Variants in TEX22 observed in about 807,000 individuals in gnomAD.
TEX22 encodes the protein testis-expressed protein 22.
In TEX22, 16 loss-of-function variants were observed where a neutral mutation model predicts 11.3. That is an observed-to-expected ratio of 1.42 (90% confidence interval 0.96 to 2.15). TEX22 has a LOEUF of 2.15. Ranked by LOEUF, TEX22 falls within the 30% of genes most tolerant of loss-of-function variation. The pLI, the probability that TEX22 is intolerant of heterozygous loss-of-function variation, is 0.00. For missense variants in TEX22, 220 were observed against 208.6 expected, an observed-to-expected ratio of 1.05 and a Z score of -0.34; for synonymous variants, 97 against 92.3, an observed-to-expected ratio of 1.05 and a Z score of -0.29.
chr14:105,398,829 A>AGGGCTCCGGGCTGGGCCTGGGGCG (rs1342465907), intron 1 of TEX22, among the ~76,000 whole-genome samples, 194 bp downstream of exon 1: 7 of 152,188 alleles, frequency 4.6e-5, no homozygotes, highest in Non-Finnish European at 8.8e-5. Context: ...CGGGCACGTA[A>AGGGCTCCGGGCTGGGCCTGGGGCG]GGGCTCCGGG....
intron 2 of TEX22, among the ~76,000 whole-genome samples, chr14:105,404,930 A>G (rs782130176): frequency 1.4e-4 from 22 of 152,278 alleles, no homozygotes; most frequent in South Asian, 4.1e-4. Context: ...CAAGGATACA[A>G]TCAATATATG....
At chr14:105,411,525 C>CG in intron 3 of TEX22, 29 bp downstream of exon 3, 4 of 1,056,536 alleles carry the variant, frequency 3.8e-6, no homozygotes, top group African/African-American at 1.8e-5. Flanking sequence ...CTCCCCGCCC[C>CG]GTCCCCGCCC....
chr14:105,411,936 C>T lies in TEX22; in HGVS notation c.*103C>T. Reference sequence around the variant, plus strand: ...TTTGTGCCCCACCAGGGGGTCACCACCCACCCATGTTAGGAAAACAGGCCA... The same window carrying T: ...TTTGTGCCCCACCAGGGGGTCACCATCCACCCATGTTAGGAAAACAGGCCA... On this transcript the variant is annotated 3_prime_UTR_variant, in exon 4 of 4. Coordinates refer to ENST00000451127, the MANE Select transcript of TEX22 (RefSeq NM_001195082.2). The T allele has an allele frequency of 8.4e-7, 1 of 1,187,120 alleles. No homozygotes were observed. Among genetic ancestry groups the T allele is most frequent in the Non-Finnish European group, 1.1e-6 (1 of 893,980 alleles). The allele number at this position is 1,187,120 out of a possible 1,614,324, so 73.5% of individuals were successfully genotyped here.
Position 105,411,512 on chromosome 14 carries a change from G to T in TEX22, c.279+16G>T. 8.4e-7 allele frequency: 1 copy of T among 1,184,636 alleles called. No homozygotes were observed. Among genetic ancestry groups the T allele is most frequent in the Non-Finnish European group, 1.0e-6 (1 of 957,018 alleles). 73.4% of individuals were successfully genotyped at this position (1,184,636 alleles called of 1,614,324 possible). On this transcript the variant is annotated intron_variant, in intron 3 of 3. Transcript: ENST00000451127. ...GCACTGCAGGGTGCGCGGGGGGCGG[G>T]TCCTCCCCGCCCCGTCCCCGCCCCG...
chr14:105,402,728 C>A (rs1234139435), intron 2 of TEX22, among the ~76,000 whole-genome samples: 1 of 150,242 alleles, frequency 6.7e-6, no homozygotes, highest in Non-Finnish European at 1.5e-5. Context: ...TGCACTCCAG[C>A]CTGGGCGACA....
rs1207788680 is a variant in TEX22 at position 105,399,428 on chromosome 14, G to A, written c.88G>A (p.Ala30Thr). The change falls in exon 2 of 4, where the codon GCA becomes ACA. Residue 30 changes from alanine (A) to threonine (T), a missense_variant. Physicochemically the swap from Ala to Thr is moderately conservative, Grantham distance 58. Coordinates refer to ENST00000451127, the MANE Select transcript of TEX22 (RefSeq NM_001195082.2). ...CAGGCGGCCCCCACTGGGCCTGATA[G>A]CAGCCTGGGGCCAGCCCAGTATCCA... Reference protein sequence around the residue: ...EHRRPPLGLIAAWGQPSIQSS... With the variant: ...EHRRPPLGLITAWGQPSIQSS... 3.9e-6 allele frequency: 6 copies of A among 1,535,708 alleles called. No individual in the cohort carries two copies. Among genetic ancestry groups the A allele is most frequent in the Non-Finnish European group, 4.4e-6 (5 of 1,146,798 alleles).
chr14:105,399,487 C>A lies in TEX22; in HGVS notation c.147C>A (p.Asp49Glu). Residue 49 changes from aspartate (D) to glutamate (E), a missense_variant, in exon 2 of 4, where the codon GAC (aspartate) becomes GAA (glutamate). Transcript: ENST00000451127. ...SSVQQGLQTQ[D>E]WVCEPPERRR... ...TTCAGCAGGGACTGCAGACTCAGGA[C>A]TGGGTAAGCGGAAGGAAACCCTGGC... The A allele has an allele frequency of 6.5e-7, 1 of 1,530,866 alleles. No individual in the cohort carries two copies. Among genetic ancestry groups the A allele is most frequent in the Non-Finnish European group, 8.7e-7 (1 of 1,143,730 alleles). 94.8% of individuals were successfully genotyped at this position (1,530,866 alleles called of 1,614,324 possible). A position where few individuals can be genotyped will look rare whatever the true frequency, so the allele number is the denominator to read the frequency against.
At chr14:105,403,176 C>T (rs1595219277) in intron 2 of TEX22, among the ~76,000 whole-genome samples, 2 of 152,172 alleles carry the variant, frequency 1.3e-5, no homozygotes, top group East Asian at 1.9e-4. Flanking sequence ...GCTGTGCCTA[C>T]GTGTGGGTGG....
intron 1 of TEX22, 65 bp from the exon 2 acceptor site, chr14:105,399,237 G>A (rs2081608606): frequency 2.1e-6 from 2 of 947,036 alleles, no homozygotes; most frequent in African/African-American, 3.3e-5. Context: ...CAGGGACTCA[G>A]GTATTGGTGG....
At position 105,399,299 on chromosome 14, in the gene TEX22, C is replaced by G. The variant is rs1555418098; in HGVS notation, c.-39-3C>G. 1 of 1,507,234 alleles carries G rather than the reference C, an allele frequency of 6.6e-7. No individual in the cohort carries two copies. The allele number at this position is 1,507,234 out of a possible 1,614,324, so 93.4% of individuals were successfully genotyped here. A position where few individuals can be genotyped will look rare whatever the true frequency, so the allele number is the denominator to read the frequency against. On this transcript the variant is annotated splice_polypyrimidine_tract_variant and splice_region_variant and intron_variant, in intron 1 of 3. Coordinates refer to ENST00000451127, the MANE Select transcript of TEX22 (RefSeq NM_001195082.2). ...CCCCACCTCCCCCTGCTCCTACCCC[C>G]AGATCTCAGAGGTGTGGACAAGCAG...
chr14:105,400,520 G>A (rs2081621186), intron 2 of TEX22, among the ~76,000 whole-genome samples: 1 of 152,182 alleles, frequency 6.6e-6, no homozygotes, highest in Non-Finnish European at 1.5e-5. Flanking sequence ...CACAGGGCTG[G>A]GGACAGGGCA....
chr14:105,411,434 C>T lies in TEX22; in HGVS notation c.217C>T (p.Arg73Trp). The change falls in exon 3 of 4, where the codon CGG becomes TGG. Residue 73 changes from arginine to tryptophan, a missense_variant. Coordinates refer to ENST00000451127, the MANE Select transcript of TEX22 (RefSeq NM_001195082.2). Reference protein sequence around the residue: ...RWSVSIDERRRLATLGGRERP... With the variant: ...RWSVSIDERRWLATLGGRERP... ...GAGCGTCAGCATCGACGAGCGCCGG[C>T]GGCTGGCCACGCTGGGCGGCCGGGA... is the stretch of plus-strand genomic sequence containing the variant. The T allele has an allele frequency of 1.6e-6, 2 of 1,243,698 alleles. No homozygotes were observed. The highest frequency in any genetic ancestry group is 2.0e-6 in the Non-Finnish European group (2 of 998,412). 77.0% of individuals were successfully genotyped at this position (1,243,698 alleles called of 1,614,324 possible).
chr14:105,402,496 T>G (rs973435233), intron 2 of TEX22, among the ~76,000 whole-genome samples: 1 of 152,086 alleles, frequency 6.6e-6, no homozygotes, highest in Non-Finnish European at 1.5e-5. Flanking sequence ...GGCTCACGCC[T>G]GTAATCCCAG....
At chr14:105,402,616 C>T (rs377282048) in intron 2 of TEX22, among the ~76,000 whole-genome samples, 121 of 151,864 alleles carry the variant, frequency 8.0e-4, no homozygotes, top group East Asian at 5.0e-3. Flanking sequence ...ATTAGCCGGG[C>T]GTGGTGGCGG....
Position 105,411,834 on chromosome 14 carries a change from G to C in TEX22, c.*1G>C, listed in dbSNP as rs1449521313. On this transcript the variant is annotated 3_prime_UTR_variant, in exon 4 of 4. Transcript: ENST00000451127. Reference sequence around the variant, plus strand: ...GGCCTCGAGGTCACCCCCTTCCTAAGAGCCCCATTCAGCCCATTGTCTGTC... The same window carrying C: ...GGCCTCGAGGTCACCCCCTTCCTAACAGCCCCATTCAGCCCATTGTCTGTC... 1 of 1,415,388 alleles carries C rather than the reference G, an allele frequency of 7.1e-7. No individual in the cohort carries two copies. The highest frequency in any genetic ancestry group is 3.0e-5 in the East Asian group (1 of 33,342). The allele number at this position is 1,415,388 out of a possible 1,614,324, so 87.7% of individuals were successfully genotyped here. A position where few individuals can be genotyped will look rare whatever the true frequency, so the allele number is the denominator to read the frequency against.
chr14:105,403,821 A>C (rs782131057), intron 2 of TEX22, among the ~76,000 whole-genome samples: 4 of 152,228 alleles, frequency 2.6e-5, no homozygotes, highest in Non-Finnish European at 5.9e-5. Flanking sequence ...TTAAATGTAC[A>C]TAGTGATTCT....
intron 2 of TEX22, among the ~76,000 whole-genome samples, chr14:105,401,629 GC>G (rs1280953287): frequency 3.3e-5 from 5 of 151,778 alleles, no homozygotes; most frequent in South Asian, 2.1e-4. Context: ...TACACCTAAT[GC>G]TAAATGACGA....
Position 105,411,754 on chromosome 14 carries a change from C to T in TEX22, c.374C>T (p.Ala125Val). Reference sequence around the variant, plus strand: ...CTGAGGTCCACCGAGTCCACCAACGCCTTCCAGGCCTTCCTGGCGCGCAGT... The same window carrying T: ...CTGAGGTCCACCGAGTCCACCAACGTCTTCCAGGCCTTCCTGGCGCGCAGT... ...HPLRSTESTNAFQAFLARSAP... is the reference protein window; with the variant it reads ...HPLRSTESTNVFQAFLARSAP... The change falls in exon 4 of 4, where the codon GCC becomes GTC. Residue 125 changes from alanine (A) to valine (V), a missense_variant. By Grantham distance (64) the Ala-to-Val change is moderately conservative (BLOSUM62 0). Coordinates refer to ENST00000451127, the MANE Select transcript of TEX22 (RefSeq NM_001195082.2). 6.6e-7 allele frequency: 1 copy of T among 1,514,888 alleles called. No homozygotes were observed. The highest frequency in any genetic ancestry group is 8.8e-7 in the Non-Finnish European group (1 of 1,136,232). 93.8% of individuals were successfully genotyped at this position (1,514,888 alleles called of 1,614,324 possible). A position where few individuals can be genotyped will look rare whatever the true frequency, so the allele number is the denominator to read the frequency against.
intron 3 of TEX22, 25 bp downstream of exon 3, chr14:105,411,521 G>GGGGGGCCCCCCCCCC: frequency 6.5e-6 from 3 of 458,514 alleles, no homozygotes; most frequent in East Asian, 8.8e-5. Flanking sequence ...GGTCCTCCCC[G>GGGGGGCCCCCCCCCC]CCCCGTCCCC....
Sources: gnomAD v4.1 joint callset for allele counts (sites outside exome capture counted in the v4.1 genomes callset) on GRCh38, gnomAD v4.1.1 for gene constraint, MANE v1.5 for transcripts, NCBI Gene and HGNC (gene_info 2026-07-23, HGNC 2026-07-21) for gene names.